The following ATF1 variants were observed in gnomAD, a reference collection of about 807,000 sequenced individuals.
ATF1 encodes cyclic AMP-dependent transcription factor ATF-1.
A neutral mutation model predicts 34.7 loss-of-function variants in ATF1; 16 were observed. The ratio of observed to expected loss-of-function variants is 0.46; its 90% CI spans 0.31 to 0.70. The LOEUF (loss-of-function observed/expected upper bound fraction) is 0.70. Ranked by LOEUF, ATF1 falls within the 30% of genes least tolerant of loss-of-function variation. The pLI, the probability that ATF1 is intolerant of heterozygous loss-of-function variation, is 0.05. For missense variants in ATF1, 255 were observed against 321.6 expected (o/e 0.79, Z 1.58); for synonymous variants, 105 against 113.1 (o/e 0.93, Z 0.46).
chr12:50,819,745 C>T lies in ATF1; in HGVS notation c.782C>T (p.Thr261Ile). The T allele has an allele frequency of 6.3e-7, 1 of 1,582,452 alleles. No homozygotes were observed. ...AAAACTCTAATAGAAGAGTTAAAAACTTTGAAGGATCTTTATTCCAATAAA... is the reference window on the plus strand; with the variant it reads ...AAAACTCTAATAGAAGAGTTAAAAATTTTGAAGGATCTTTATTCCAATAAA... Reference protein sequence around the residue: ...QNKTLIEELKTLKDLYSNKSV With the variant: ...QNKTLIEELKILKDLYSNKSV Residue 261 changes from threonine to isoleucine, a missense_variant, in exon 7 of 7, where the codon ACT (threonine) becomes ATT (isoleucine). By Grantham distance (89) the Thr-to-Ile change is moderately conservative. Transcript: ENST00000262053.
At chr12:50,790,018 T>C (rs990712113) in intron 2 of ATF1, among the ~76,000 whole-genome samples, 2 of 152,110 alleles carry the variant, frequency 1.3e-5, no homozygotes, top group Non-Finnish European at 2.9e-5. Context: ...TCACATGGAT[T>C]GCCAGAAACC....
Position 50,814,280 on chromosome 12 carries a change from C to A in ATF1, c.512C>A (p.Thr171Asn). 6.2e-7 allele frequency: 1 copy of A among 1,614,110 alleles called. No homozygotes were observed. The highest frequency in any genetic ancestry group is 1.3e-5 in the African/African-American group (1 of 75,044). Residue 171 changes from threonine (T) to asparagine (N), a missense_variant and splice_region_variant, in exon 6 of 7, where the codon ACT becomes AAT. By Grantham distance (65) the Thr-to-Asn change is moderately conservative. Coordinates refer to ENST00000262053, the MANE Select transcript of ATF1 (RefSeq NM_005171.5). ...TCATTCACTCTTGTTTACCATCTAG[C>A]TGCATCAGGAGATATGCAAACATAT... is the stretch of plus-strand genomic sequence containing the variant. ...LVPSNQVVVQ[T>N]ASGDMQTYQI...
chr12:50,778,991 C>T (rs149763017), intron 1 of ATF1, among the ~76,000 whole-genome samples: 74 of 152,270 alleles, frequency 4.9e-4, no homozygotes, highest in Non-Finnish European at 8.5e-4. Context: ...ACTCTAGATA[C>T]GTCAAGTTAG....
chr12:50,815,467 C>A (rs1941825005), intron 6 of ATF1, among the ~76,000 whole-genome samples: 1 of 152,110 alleles, frequency 6.6e-6, no homozygotes, highest in Non-Finnish European at 1.5e-5. Context: ...CTTACTGCAA[C>A]CTCTGCCTCC....
intron 2 of ATF1, among the ~76,000 whole-genome samples, chr12:50,781,414 T>A (rs1941057663): frequency 6.6e-6 from 1 of 152,182 alleles, no homozygotes; most frequent in Admixed American, 6.6e-5. Context: ...AACCCATGAA[T>A]AAAGAGGCCT....
chr12:50,803,121 T>C (rs1401017338), intron 3 of ATF1, among the ~76,000 whole-genome samples: 1 of 150,518 alleles, frequency 6.6e-6, no homozygotes, highest in East Asian at 2.0e-4. Context: ...TACAAAAAAT[T>C]AGTCAGGCAT....
intron 1 of ATF1, among the ~76,000 whole-genome samples, chr12:50,776,691 A>C (rs1940933552): frequency 6.6e-6 from 1 of 152,182 alleles, no homozygotes; most frequent in Non-Finnish European, 1.5e-5. Flanking sequence ...CAATTCATTC[A>C]GAAAACTTTA....
intron 2 of ATF1, chr12:50,788,346 C>A: frequency 2.7e-6 from 1 of 375,236 alleles, no homozygotes. Flanking sequence ...TCACATCCGG[C>A]TAAACTTTTT....
intron 1 of ATF1, among the ~76,000 whole-genome samples, chr12:50,775,867 GTC>G (rs774351446): frequency 3.1e-4 from 47 of 152,166 alleles, no homozygotes; most frequent in Non-Finnish European, 5.6e-4. Context: ...TTTTATATTA[GTC>G]TGTGGGATTA....
At chr12:50,784,353 G>A (rs1186707914) in intron 2 of ATF1, among the ~76,000 whole-genome samples, 3 of 152,196 alleles carry the variant, frequency 2.0e-5, no homozygotes. Context: ...AGGAGAGATA[G>A]GGAGTTGGTG....
chr12:50,768,552 AAC>A, intron 1 of ATF1, among the ~76,000 whole-genome samples: 2 of 152,352 alleles, frequency 1.3e-5, no homozygotes, highest in South Asian at 4.1e-4. Flanking sequence ...GAAACTTAAA[AAC>A]TGGCAAATGA....
intron 2 of ATF1, among the ~76,000 whole-genome samples, chr12:50,794,159 C>T (rs1382517530): frequency 6.6e-6 from 1 of 151,534 alleles, no homozygotes; most frequent in Non-Finnish European, 1.5e-5. Flanking sequence ...ACCGTGTTAG[C>T]CAGGATGTTC....
At chr12:50,778,109 TCTCA>T (rs1940970408) in intron 1 of ATF1, among the ~76,000 whole-genome samples, 1 of 151,884 alleles carries the variant, frequency 6.6e-6, no homozygotes, top group African/African-American at 2.4e-5. Flanking sequence ...AGAGACGGGC[TCTCA>T]CTATGTTGCC....
At chr12:50,804,514 G>A (rs1941575945) in intron 3 of ATF1, among the ~76,000 whole-genome samples, 1 of 152,142 alleles carries the variant, frequency 6.6e-6, no homozygotes, top group Non-Finnish European at 1.5e-5. Context: ...GTGAGACCCT[G>A]TCTCTTCACA....
At chr12:50,806,109 C>T (rs1417351612) in intron 3 of ATF1, among the ~76,000 whole-genome samples, 1 of 151,582 alleles carries the variant, frequency 6.6e-6, no homozygotes, top group Non-Finnish European at 1.5e-5. Context: ...CGAGATTGCA[C>T]CACTGACTCC....
chr12:50,785,459 A>G (rs934205350), intron 2 of ATF1, among the ~76,000 whole-genome samples: 9 of 152,032 alleles, frequency 5.9e-5, no homozygotes, highest in Admixed American at 2.6e-4. Flanking sequence ...TGTCTGTAAT[A>G]TTATCTGTGT....
chr12:50,810,437 C>G (rs148103883), intron 4 of ATF1, among the ~76,000 whole-genome samples: 1 of 151,650 alleles, frequency 6.6e-6, no homozygotes, highest in East Asian at 2.0e-4. Context: ...AGGCTGGTCT[C>G]AAACTCCTCC....
intron 2 of ATF1, among the ~76,000 whole-genome samples, chr12:50,792,472 G>T (rs1941326023): frequency 2.6e-5 from 4 of 152,180 alleles, no homozygotes; most frequent in Admixed American, 2.6e-4. Context: ...GATTCAGGGG[G>T]TCATCCAGAC....
intron 2 of ATF1, among the ~76,000 whole-genome samples, chr12:50,780,828 C>T (rs1033455159): frequency 2.0e-5 from 3 of 151,928 alleles, no homozygotes; most frequent in Non-Finnish European, 4.4e-5. Context: ...GGTGCAGTGG[C>T]GGTTGCCTGT....
Sources: gnomAD v4.1 joint callset for allele counts (sites outside exome capture counted in the v4.1 genomes callset) on GRCh38, gnomAD v4.1.1 for gene constraint, MANE v1.5 for transcripts, NCBI Gene and HGNC (gene_info 2026-07-23, HGNC 2026-07-21) for gene names.